LEMD1: variants seen among roughly 807,000 people sequenced by gnomAD.
The protein encoded by LEMD1 is LEM domain-containing protein 1.
A neutral mutation model predicts 17.4 loss-of-function variants in LEMD1; 18 were observed. The ratio of observed to expected loss-of-function variants is 1.04; its 90% CI spans 0.72 to 1.54. LEMD1 has a LOEUF of 1.54. LEMD1 is among the 40% of genes most tolerant of loss of function. The pLI, the probability that LEMD1 is intolerant of heterozygous loss-of-function variation, is 0.00. For missense variants in LEMD1, 195 were observed against 210.4 expected, an observed-to-expected ratio of 0.93 and a Z score of 0.45; for synonymous variants, 88 against 77.8, an observed-to-expected ratio of 1.13 and a Z score of -0.69.
upstream of LEMD1, among the ~76,000 whole-genome samples, chr1:205,424,861 C>A (rs934416427): frequency 3.9e-5 from 6 of 152,118 alleles, no homozygotes; most frequent in Non-Finnish European, 5.9e-5. Context: ...TATAATTACA[C>A]CTAGTTTGAT....
intron 4 of LEMD1, among the ~76,000 whole-genome samples, chr1:205,392,337 C>T (rs1664382862): frequency 2.0e-5 from 3 of 151,830 alleles, no homozygotes; most frequent in South Asian, 4.2e-4. Context: ...AATTTTAGAA[C>T]TGACAGCCTG....
intron 4 of LEMD1, among the ~76,000 whole-genome samples, chr1:205,388,202 C>T (rs997031437): frequency 1.4e-5 from 2 of 145,910 alleles, no homozygotes; most frequent in South Asian, 2.2e-4. Flanking sequence ...ATCTTTCTTT[C>T]TTTTTTTTTT....
At chr1:205,412,956 C>A (rs964702705) in intron 4 of LEMD1, among the ~76,000 whole-genome samples, 1 of 152,080 alleles carries the variant, frequency 6.6e-6, no homozygotes, top group Non-Finnish European at 1.5e-5. Flanking sequence ...TGAGGTTTAC[C>A]GAATGGAAAG....
At chr1:205,394,241 C>T (rs534965803) in intron 4 of LEMD1, among the ~76,000 whole-genome samples, 538 of 151,898 alleles carry the variant, frequency 3.5e-3, no homozygotes, top group African/African-American at 0.012. Context: ...GGCGGGTAAC[C>T]GCTTAATGGG....
intron 5 of LEMD1, 51 bp from the exon 6 acceptor site, chr1:205,381,907 G>C: frequency 6.3e-7 from 1 of 1,576,248 alleles, no homozygotes; most frequent in South Asian, 1.1e-5. Flanking sequence ...TGGTGCACTT[G>C]AGTAGCCCCT....
chr1:205,420,342 C>G, intron 2 of LEMD1, 113 bp downstream of exon 2: 1 of 786,510 alleles, frequency 1.3e-6, no homozygotes, highest in Non-Finnish European at 2.1e-6. Flanking sequence ...TTTCTGTTTT[C>G]TCTATGTTCC....
At chr1:205,426,126 A>T (rs1666051967), upstream of LEMD1, among the ~76,000 whole-genome samples, 1 of 152,154 alleles carries the variant, frequency 6.6e-6, no homozygotes, top group South Asian at 2.1e-4. Context: ...ATATCCATCT[A>T]CCCTATTTTC....
At position 205,441,827 on chromosome 1, in the gene LEMD1, G is replaced by A. The variant is rs763089609; in HGVS notation, c.-39+8041C>T. Among the ~76,000 whole-genome samples the A allele has an allele frequency of 7.2e-5, 11 of 152,190 alleles. No homozygotes were observed. Among genetic ancestry groups the A allele is most frequent in the Admixed American group, 5.9e-4 (9 of 15,284 alleles). On this transcript the variant is annotated intron_variant, in intron 1 of 3. Transcript: ENST00000367154. The surrounding 1 kb of genome is among the most constrained non-coding windows in gnomAD (Gnocchi z 4.3). ...CCCTGGCACATAAGTCTGAGGTAGA[G>A]GCTGAGGCTGGATCTGCCCCAGCTG... is the stretch of plus-strand genomic sequence containing the variant.
chr1:205,385,564 C>G (rs987138527), intron 4 of LEMD1: 1 of 152,242 alleles, frequency 6.6e-6, no homozygotes, highest in Admixed American at 6.6e-5. Context: ...CCAGGCCTGA[C>G]GCCGGCTGTG....
chr1:205,405,608 T>G (rs1242924670), intron 4 of LEMD1, among the ~76,000 whole-genome samples: 24 of 141,812 alleles, frequency 1.7e-4, no homozygotes, highest in East Asian at 4.1e-4. Flanking sequence ...TTCATCTAAA[T>G]TTTTTTCAAA....
At chr1:205,418,061 A>G (rs1365934191) in intron 3 of LEMD1, among the ~76,000 whole-genome samples, 1 of 151,828 alleles carries the variant, frequency 6.6e-6, no homozygotes, top group Non-Finnish European at 1.5e-5. Context: ...CCCGCTCTGC[A>G]TGGCCCGTGC....
In LEMD1 at chr1:205,381,840, G is replaced by A; in HGVS notation, c.364C>T (p.Pro122Ser). 6.2e-7 allele frequency: 1 copy of A among 1,614,058 alleles called. No homozygotes were observed. The highest frequency in any genetic ancestry group is 8.5e-7 in the Non-Finnish European group (1 of 1,180,014). ...SKGRRWAARA[P>S]STRITYGTIT... ...GTCCCATATGTGATTCTGGTGCTTG[G>A]TGCTCTTGCAGCCCACCTGTGAAAA... is the stretch of plus-strand genomic sequence containing the variant. Residue 122 changes from proline to serine, a missense_variant, in exon 6 of 6, where the codon CCA (proline) becomes TCA (serine). Transcript: ENST00000367153.
At chr1:205,421,746 A>T (rs1665967875) in intron 1 of LEMD1, among the ~76,000 whole-genome samples, 1 of 152,228 alleles carries the variant, frequency 6.6e-6, no homozygotes, top group Non-Finnish European at 1.5e-5. Flanking sequence ...GCTAGGAAGA[A>T]AAAGGACAAT....
intron 4 of LEMD1, among the ~76,000 whole-genome samples, chr1:205,391,839 G>A (rs1664351998): frequency 6.6e-6 from 1 of 152,108 alleles, no homozygotes; most frequent in Non-Finnish European, 1.5e-5. Flanking sequence ...CGGGTGTGGT[G>A]GCTCATGCCT....
chr1:205,405,102 G>A (rs1324810527), intron 4 of LEMD1, among the ~76,000 whole-genome samples: 1 of 152,174 alleles, frequency 6.6e-6, no homozygotes, highest in Non-Finnish European at 1.5e-5. Flanking sequence ...CCCTTTGTGG[G>A]TAACCCGACT....
chr1:205,411,855 T>C (rs1048382788), intron 4 of LEMD1, among the ~76,000 whole-genome samples: 1 of 152,066 alleles, frequency 6.6e-6, no homozygotes. Flanking sequence ...ACGAGCATGT[T>C]GTGCTTGGGA....
chr1:205,436,749 A>G (rs1160452456), intron 1 of LEMD1: 2 of 152,150 alleles, frequency 1.3e-5, no homozygotes, highest in African/African-American at 2.4e-5. Context: ...TTCAGGAGGA[A>G]CACCAGACTT....
chr1:205,448,686 A>T lies in LEMD1; in HGVS notation c.-39+1182T>A, dbSNP rs1473220090. 6.6e-6 allele frequency among the ~76,000 whole-genome samples: 1 copy of T among 152,080 alleles called. No homozygotes were observed. The highest frequency in any genetic ancestry group is 1.5e-5 in the Non-Finnish European group (1 of 68,010). On this transcript the variant is annotated intron_variant, in intron 1 of 3. Transcript: ENST00000367154. The surrounding 1 kb of genome is among the most constrained non-coding windows in gnomAD (Gnocchi z 4.7). ...ATAAAGGACCTCCTCAAATTCCCTT[A>T]ATTAGCTTCCAGCCCCCTGCCCAGG... is the stretch of plus-strand genomic sequence containing the variant.
rs999236598 is a variant in LEMD1 at position 205,448,433 on chromosome 1, G to A, written c.-39+1435C>T. 5.6e-6 allele frequency: 3 copies of A among 531,956 alleles called. No individual in the cohort carries two copies. The highest frequency in any genetic ancestry group is 1.9e-5 in the Admixed American group (1 of 51,282). 33.0% of individuals were successfully genotyped at this position (531,956 alleles called of 1,614,324 possible). Reference sequence around the variant, plus strand: ...AGCGGCAGGAATCTCATAGGGAAGCGAGAAGCTGGGGCACCCGAGAAGCCC... The same window carrying A: ...AGCGGCAGGAATCTCATAGGGAAGCAAGAAGCTGGGGCACCCGAGAAGCCC... On this transcript the variant is annotated intron_variant, in intron 1 of 3. Transcript: ENST00000367154. The surrounding 1 kb of genome is among the most constrained non-coding windows in gnomAD (Gnocchi z 4.7).
Sources: gnomAD v4.1 joint callset for allele counts (sites outside exome capture counted in the v4.1 genomes callset) on GRCh38, gnomAD v4.1.1 for gene constraint, Gnocchi (gnomAD v3.1) non-coding constraint, MANE v1.5 for transcripts, NCBI Gene and HGNC (gene_info 2026-07-23, HGNC 2026-07-21) for gene names.